The following KNL1 variants were observed in gnomAD, a reference collection of about 807,000 sequenced individuals.
KNL1 encodes outer kinetochore KNL1 complex subunit KNL1.
KNL1 carries 66 observed loss-of-function variants against 201.3 expected under a neutral mutation model. That is an observed-to-expected ratio of 0.33 (90% CI 0.27 to 0.40). The LOEUF (loss-of-function observed/expected upper bound fraction) is 0.40, where lower values mean the gene tolerates loss of function less well. KNL1 is among the 10% of genes least tolerant of loss of function. KNL1 has a pLI of 1.00. For missense variants in KNL1, 2,815 were observed against 2,690.5 expected (o/e 1.05, Z -1.02); for synonymous variants, 895 against 899.2 (o/e 1.00, Z 0.08).
At chr15:40,607,170 T>C (rs1892003436) in intron 4 of KNL1, among the ~76,000 whole-genome samples, 1 of 152,216 alleles carries the variant, frequency 6.6e-6, no homozygotes, top group Non-Finnish European at 1.5e-5. Flanking sequence ...AAAGTGTGGG[T>C]ATTATAGGCA....
At chr15:40,633,156 G>A (rs1010845157) in intron 13 of KNL1, among the ~76,000 whole-genome samples, 6 of 151,920 alleles carry the variant, frequency 3.9e-5, no homozygotes, top group African/African-American at 1.5e-4. Flanking sequence ...TGGTGAAACC[G>A]CATCTCTACA....
At position 40,599,145 on chromosome 15, in the gene KNL1, A is replaced by T. The variant is rs142050053; in HGVS notation, c.-17-3770A>T. ...ATTTTTTTTAAACAACTATAGCTTT[A>T]AAAAAAGAGTATTTTTCAAAAAATT... On this transcript the variant is annotated intron_variant, in intron 1 of 25. Transcript: ENST00000399668. Among the ~76,000 whole-genome samples the T allele has an allele frequency of 2.8e-3, 430 of 151,314 alleles. 2 individuals are homozygous for T. The highest frequency in any genetic ancestry group is 0.01 in the African/African-American group (417 of 41,230).
In KNL1 at chr15:40,621,439, G is replaced by A; in HGVS notation, c.1175G>A (p.Gly392Glu). 6.2e-7 allele frequency: 1 copy of A among 1,613,694 alleles called. No homozygotes were observed. Among genetic ancestry groups the A allele is most frequent in the Non-Finnish European group, 8.5e-7 (1 of 1,179,874 alleles). Residue 392 changes from glycine to glutamate, a missense_variant, in exon 10 of 26, where the codon GGG becomes GAG. Physicochemically the swap from Gly to Glu is moderately conservative, Grantham distance 98. Around this residue, in one of 3 missense-constraint regions of KNL1, gnomAD observed 2,464 missense variants for 2,291.7 expected, o/e 1.08. Coordinates refer to ENST00000399668, the MANE Select transcript of KNL1 (RefSeq NM_144508.5). ...CATATTACCAGAAGTCATATTATGG[G>A]GGCAGAAACTCACATAGTCTCACAG... is the stretch of plus-strand genomic sequence containing the variant. ...KIHITRSHIMGAETHIVSQTC... is the reference protein window; with the variant it reads ...KIHITRSHIMEAETHIVSQTC...
Position 40,637,843 on chromosome 15 carries a change from A to T in KNL1, c.5683-3069A>T, listed in dbSNP as rs187448675. The stretch of plus-strand genomic sequence containing the variant: ...ACAGGTTCCATCCCCAAGATATGTC[A>T]TTATGTATATGCAAATATTCCAAAA... On this transcript the variant is annotated intron_variant, in intron 13 of 25. Transcript: ENST00000399668. 5.5e-3 allele frequency among the ~76,000 whole-genome samples: 832 copies of T among 152,126 alleles called. 4 individuals carry two copies. Among genetic ancestry groups the T allele is most frequent in the Non-Finnish European group, 9.0e-3 (612 of 67,998 alleles).
chr15:40,610,420 A>C, intron 6 of KNL1, 123 bp downstream of exon 6: 1 of 639,350 alleles, frequency 1.6e-6, no homozygotes, highest in South Asian at 1.8e-5. Context: ...ATGATGGGCC[A>C]TGCATAGTGG....
rs372710483 is a variant in KNL1 at position 40,622,388 on chromosome 15, C to G, written c.2124C>G (p.Phe708Leu). The G allele has an allele frequency of 2.5e-6, 4 of 1,613,604 alleles. No individual in the cohort carries two copies. The African/African-American group carries it at 5.3e-5, about 22-fold the overall frequency. The change falls in exon 10 of 26, where the codon TTC becomes TTG. Residue 708 changes from phenylalanine to leucine, a missense_variant. Physicochemically the swap from Phe to Leu is conservative, Grantham distance 22 (BLOSUM62 0). Around this residue, in one of 3 missense-constraint regions of KNL1, gnomAD observed 2,464 missense variants for 2,291.7 expected, o/e 1.08. Transcript: ENST00000399668. ...TTKPLFSSGQ[F>L]SMKNHDTAIS... Reference sequence around the variant, plus strand: ...AGCCATTATTTTCATCAGGACAGTTCTCTATGAAAAATCATGATACTGCTA... The same window carrying G: ...AGCCATTATTTTCATCAGGACAGTTGTCTATGAAAAATCATGATACTGCTA...
intron 13 of KNL1, among the ~76,000 whole-genome samples, chr15:40,632,848 C>T (rs141255030): frequency 1.3e-5 from 2 of 152,014 alleles, no homozygotes; most frequent in African/African-American, 4.8e-5. Context: ...AGTGAGACCC[C>T]ATCTCTATTT....
chr15:40,610,969 C>T (rs1016136518), intron 6 of KNL1: 13 of 365,212 alleles, frequency 3.6e-5, no homozygotes, highest in Non-Finnish European at 5.5e-5. Context: ...AGGCTGGTCT[C>T]GAACCCCTGG....
chr15:40,632,862 T>G (rs940144404), intron 13 of KNL1, among the ~76,000 whole-genome samples: 3 of 151,884 alleles, frequency 2.0e-5, no homozygotes. Context: ...TCTATTTAAA[T>G]AAATAAATAA....
At chr15:40,661,900 G>T (rs1236400901) in intron 25 of KNL1, among the ~76,000 whole-genome samples, 174 bp from the exon 26 acceptor site, 1 of 152,098 alleles carries the variant, frequency 6.6e-6, no homozygotes, top group African/African-American at 2.4e-5. Context: ...AATTAGCCGG[G>T]CGTGGTGGCA....
chr15:40,662,467 T>C lies in KNL1; in HGVS notation c.*279T>C. The C allele has an allele frequency of 3.3e-6, 1 of 305,476 alleles. No individual in the cohort carries two copies. The allele number at this position is 305,476 out of a possible 1,614,324, so 18.9% of individuals were successfully genotyped here. ...AATGTCTCCTAACTAAACTAGTGCT[T>C]TCTGCTTTAGTACAAGCCCTAAGGA... On this transcript the variant is annotated 3_prime_UTR_variant, in exon 26 of 26. Coordinates refer to ENST00000399668, the MANE Select transcript of KNL1 (RefSeq NM_144508.5).
At chr15:40,608,433 G>GAA (rs1240921260) in intron 4 of KNL1, among the ~76,000 whole-genome samples, 22 of 80,940 alleles carry the variant, frequency 2.7e-4, no homozygotes, top group African/African-American at 4.4e-4. Flanking sequence ...AACCGTCTTG[G>GAA]AAAAAAAAAA....
intron 17 of KNL1, 186 bp from the exon 18 acceptor site, chr15:40,650,115 C>A: frequency 2.1e-6 from 1 of 480,156 alleles, no homozygotes; most frequent in South Asian, 2.6e-5. Flanking sequence ...ACCTTACTTT[C>A]TCTTTCACAG....
chr15:40,600,288 T>G (rs1395343007), intron 1 of KNL1, among the ~76,000 whole-genome samples: 1 of 152,224 alleles, frequency 6.6e-6, no homozygotes, highest in Non-Finnish European at 1.5e-5. Context: ...TTGGCCAGGC[T>G]GGTCTCAAAC....
chr15:40,625,994 A>G (rs1303971894), intron 10 of KNL1: 2 of 177,522 alleles, frequency 1.1e-5, no homozygotes, highest in Admixed American at 1.1e-4. Context: ...TAGGGAGGTT[A>G]TATATAGCTT....
chr15:40,609,934 G>C lies in KNL1; in HGVS notation c.198-311G>C, dbSNP rs79919233. Reference sequence around the variant, plus strand: ...CAGGCTTGTTGGTGAGGCTACTCGGGAGGCTGAAGTGGGATGATCACTTTA... The same window carrying C: ...CAGGCTTGTTGGTGAGGCTACTCGGCAGGCTGAAGTGGGATGATCACTTTA... On this transcript the variant is annotated intron_variant, in intron 5 of 25. Coordinates refer to ENST00000399668, the MANE Select transcript of KNL1 (RefSeq NM_144508.5). 0.014 allele frequency among the ~76,000 whole-genome samples: 2,086 copies of C among 152,264 alleles called. 50 individuals carry two copies. Among genetic ancestry groups the C allele is most frequent in the African/African-American group, 0.047 (1,965 of 41,550 alleles).
intron 24 of KNL1, among the ~76,000 whole-genome samples, chr15:40,659,116 A>G (rs1286639042): frequency 6.6e-6 from 1 of 151,810 alleles, no homozygotes; most frequent in East Asian, 2.0e-4. Flanking sequence ...TGTCTCTACT[A>G]AAAATACAAA....
Position 40,663,359 on chromosome 15 carries a change from G to GT in KNL1, c.*1175dup, listed in dbSNP as rs1336356184. On this transcript the variant is annotated 3_prime_UTR_variant, in exon 26 of 26. Coordinates refer to ENST00000399668, the MANE Select transcript of KNL1 (RefSeq NM_144508.5). ...GGTGTGAGCCACCACACCCAGCAAT[G>GT]TTTTCTTAATAAGTATAGTTTTTCT... 1 of 177,424 alleles carries GT rather than the reference G, an allele frequency of 5.6e-6. No homozygotes were observed. Among genetic ancestry groups the GT allele is most frequent in the Non-Finnish European group, 1.2e-5 (1 of 82,620 alleles). 11.0% of individuals were successfully genotyped at this position (177,424 alleles called of 1,614,324 possible). A position where few individuals can be genotyped will look rare whatever the true frequency, so the allele number is the denominator to read the frequency against.
At position 40,634,657 on chromosome 15, in the gene KNL1, C is replaced by T. The variant is rs1893004766; in HGVS notation, c.5682+5286C>T. ...GCTATAGATAGGGAGGAGAAAGGAG[C>T]TTAGGTGTGCATCCAGGGGCTGATA... On this transcript the variant is annotated intron_variant, in intron 13 of 25. Coordinates refer to ENST00000399668, the MANE Select transcript of KNL1 (RefSeq NM_144508.5). 4.6e-5 allele frequency among the ~76,000 whole-genome samples: 7 copies of T among 152,092 alleles called. 2 individuals are homozygous for T. In the South Asian group the frequency reaches 1.5e-3, roughly 32 times the overall value.
Sources: gnomAD v4.1 joint callset for allele counts (sites outside exome capture counted in the v4.1 genomes callset) on GRCh38, gnomAD v4.1.1 for gene constraint, gnomAD v4.1.1 regional missense constraint, MANE v1.5 for transcripts, NCBI Gene and HGNC (gene_info 2026-07-23, HGNC 2026-07-21) for gene names.